Variants in SPSB1 observed in about 807,000 individuals in gnomAD.
The protein encoded by SPSB1 is SPRY domain-containing SOCS box protein 1.
A neutral mutation model predicts 21.2 loss-of-function variants in SPSB1; 8 were observed. The ratio of observed to expected loss-of-function variants is 0.38; its 90% CI spans 0.22 to 0.68. The LOEUF (loss-of-function observed/expected upper bound fraction) is 0.68. Among genes scored for constraint, SPSB1 ranks in the 30% least tolerant of loss-of-function variants. SPSB1 has a pLI of 0.53. For missense variants in SPSB1, 242 were observed against 377.8 expected (o/e 0.64, Z 2.98); for synonymous variants, 169 against 161.7 (o/e 1.05, Z -0.34).
chr1:9,320,052 C>A (rs1291355337), intron 1 of SPSB1, among the ~76,000 whole-genome samples: 1 of 152,192 alleles, frequency 6.6e-6, no homozygotes, highest in South Asian at 2.1e-4. Flanking sequence ...GTGACTCTTG[C>A]TGTGTGTGCA....
chr1:9,352,483 C>T (rs936195033), intron 1 of SPSB1, among the ~76,000 whole-genome samples: 8 of 152,190 alleles, frequency 5.3e-5, no homozygotes, highest in African/African-American at 1.7e-4. Flanking sequence ...ATTTATGTCC[C>T]GTCTGTGGCT....
At chr1:9,326,332 C>T (rs183637184) in intron 1 of SPSB1, among the ~76,000 whole-genome samples, 32 of 152,166 alleles carry the variant, frequency 2.1e-4, no homozygotes, top group African/African-American at 7.2e-4. Context: ...GGTGGAGACA[C>T]CCAGGGGCCA....
chr1:9,325,225 A>AC (rs33978312), intron 1 of SPSB1, among the ~76,000 whole-genome samples: 1,462 of 130,832 alleles, frequency 0.011, 6 homozygotes, highest in East Asian at 0.029. Flanking sequence ...TCCCACCACC[A>AC]CCCCCCCCCC....
In SPSB1 at chr1:9,293,632, G is replaced by A. The variant is rs979990392; in HGVS notation, c.-150+561G>A. ...CCGCCCTCCCCGCCGCCCCGGAGCCGCCGCGGCTTCTCCCAGCAGCGGAGG... is the reference window on the plus strand; with the variant it reads ...CCGCCCTCCCCGCCGCCCCGGAGCCACCGCGGCTTCTCCCAGCAGCGGAGG... On this transcript the variant is annotated intron_variant, in intron 1 of 2. Coordinates refer to ENST00000328089, the MANE Select transcript of SPSB1 (RefSeq NM_025106.4). This position sits in a 1 kb window ranked among gnomAD's most constrained non-coding sequence, Gnocchi z 5.1. 1.3e-5 allele frequency among the ~76,000 whole-genome samples: 2 copies of A among 152,158 alleles called. No individual in the cohort carries two copies. Among genetic ancestry groups the A allele is most frequent in the African/African-American group, 2.4e-5 (1 of 41,448 alleles).
chr1:9,319,538 G>A (rs767609982), intron 1 of SPSB1, among the ~76,000 whole-genome samples: 2 of 152,160 alleles, frequency 1.3e-5, no homozygotes, highest in Non-Finnish European at 2.9e-5. Flanking sequence ...TGTGCTCCCC[G>A]CTGAAGTCGA....
rs1640433231 is a variant in SPSB1, at chr1:9,359,695, C to T, written c.694+3110C>T. Among the ~76,000 whole-genome samples, 4 of 136,460 alleles carry T rather than the reference C, an allele frequency of 2.9e-5. No homozygotes were observed. In the South Asian group the frequency reaches 9.7e-4, roughly 33 times the overall value. The allele number at this position is 136,460 out of a possible 152,430, so 89.5% of individuals were successfully genotyped here. On this transcript the variant is annotated intron_variant, in intron 2 of 2. Transcript: ENST00000328089. Reference sequence around the variant, plus strand: ...CTAGCCTGGGCAACAGAGCAAGACTCCGTCTCTGGGAAAAAAAAAAAAAAA... The same window carrying T: ...CTAGCCTGGGCAACAGAGCAAGACTTCGTCTCTGGGAAAAAAAAAAAAAAA...
At chr1:9,358,542 C>A (rs1188147737) in intron 2 of SPSB1, among the ~76,000 whole-genome samples, 1 of 152,226 alleles carries the variant, frequency 6.6e-6, no homozygotes, top group Non-Finnish European at 1.5e-5. Context: ...AGATTGGGAG[C>A]CCTGGGCATA....
intron 1 of SPSB1, among the ~76,000 whole-genome samples, chr1:9,333,665 G>A (rs1161939274): frequency 2.0e-5 from 3 of 152,188 alleles, no homozygotes; most frequent in Non-Finnish European, 2.9e-5. Context: ...TGCGGTGTGA[G>A]CCTGCTGTGA....
chr1:9,299,982 A>G (rs966716560), intron 1 of SPSB1, among the ~76,000 whole-genome samples: 2 of 148,616 alleles, frequency 1.3e-5, no homozygotes, highest in East Asian at 1.9e-4. Context: ...AAAAAAAAAA[A>G]GGGTCTCATG....
rs34392416 is a variant in SPSB1, at chr1:9,317,837, A to ATT, written c.-150+24784_-150+24785dup. 0.021 allele frequency among the ~76,000 whole-genome samples: 2,889 copies of ATT among 134,672 alleles called. 100 individuals carry two copies. Among genetic ancestry groups the ATT allele is most frequent in the African/African-American group, 0.066 (2,299 of 35,034 alleles). The allele number at this position is 134,672 out of a possible 152,430, so 88.4% of individuals were successfully genotyped here. ...GTGATTTCCGGTGGCGAGGGAACCA[A>ATT]TTTTTTTTTTTTTTTTTTTGAGACC... On this transcript the variant is annotated intron_variant, in intron 1 of 2. Coordinates refer to ENST00000328089, the MANE Select transcript of SPSB1 (RefSeq NM_025106.4). This position sits in a 1 kb window ranked among gnomAD's most constrained non-coding sequence, Gnocchi z 4.3.
chr1:9,361,156 CTTTTT>C (rs57871457), intron 2 of SPSB1, among the ~76,000 whole-genome samples: 1,450 of 102,420 alleles, frequency 0.014, 41 homozygotes, highest in African/African-American at 0.054. Flanking sequence ...CTGTCATTTT[CTTTTT>C]TTTTTTTTTT....
chr1:9,294,752 C>T (rs1178805277), intron 1 of SPSB1, among the ~76,000 whole-genome samples: 1 of 152,136 alleles, frequency 6.6e-6, no homozygotes, highest in Non-Finnish European at 1.5e-5. Flanking sequence ...CCCACAACTT[C>T]ATTTCTCATC....
chr1:9,355,634 C>G, intron 1 of SPSB1, 109 bp from the exon 2 acceptor site: 1 of 1,185,254 alleles, frequency 8.4e-7, no homozygotes, highest in South Asian at 3.8e-5. Context: ...TGACAGAGCC[C>G]AGGTGCAGGC....
intron 1 of SPSB1, among the ~76,000 whole-genome samples, chr1:9,330,597 C>T (rs770733969): frequency 1.2e-4 from 19 of 152,242 alleles, no homozygotes; most frequent in Non-Finnish European, 2.2e-4. Context: ...TAACTTCACC[C>T]GACACGTTTG....
intron 1 of SPSB1, among the ~76,000 whole-genome samples, chr1:9,302,287 A>G (rs1358646588): frequency 6.6e-6 from 1 of 152,178 alleles, no homozygotes; most frequent in African/African-American, 2.4e-5. Context: ...GTAGATGGTA[A>G]AGCATTGATT....
intron 1 of SPSB1, among the ~76,000 whole-genome samples, chr1:9,342,525 GCT>G (rs1265572577): frequency 6.6e-6 from 1 of 152,168 alleles, no homozygotes; most frequent in African/African-American, 2.4e-5. Context: ...GTGTTGACCT[GCT>G]CAGTGAGAAA....
At chr1:9,355,661 T>C (rs1356549434) in intron 1 of SPSB1, 82 bp from the exon 2 acceptor site, 2 of 1,270,366 alleles carry the variant, frequency 1.6e-6, no homozygotes, top group African/African-American at 1.5e-5. Context: ...GACATGCTGA[T>C]GTGGTCGCCT....
In SPSB1 at chr1:9,367,948, G is replaced by A. The variant is rs762248858; in HGVS notation, c.*373G>A. 18 of 207,134 alleles carry A rather than the reference G, an allele frequency of 8.7e-5. No homozygotes were observed. Among genetic ancestry groups the A allele is most frequent in the Non-Finnish European group, 1.7e-4 (17 of 101,050 alleles). The allele number at this position is 207,134 out of a possible 1,614,324, so 12.8% of individuals were successfully genotyped here. A position where few individuals can be genotyped will look rare whatever the true frequency, so the allele number is the denominator to read the frequency against. ...GCTGCAGCCACCTGGGGGTCCCAGG[G>A]TGGTGGGGGTGGCAGGTGGTACCAC... On this transcript the variant is annotated 3_prime_UTR_variant, in exon 3 of 3. Transcript: ENST00000328089. The surrounding 1 kb of genome is among the most constrained non-coding windows in gnomAD (Gnocchi z 5.9).
At chr1:9,302,243 G>A (rs1429919563) in intron 1 of SPSB1, among the ~76,000 whole-genome samples, 1 of 152,204 alleles carries the variant, frequency 6.6e-6, no homozygotes, top group Non-Finnish European at 1.5e-5. Flanking sequence ...GATTGATTTT[G>A]GATGTCAACT....
Sources: allele counts gnomAD v4.1 joint callset (sites outside exome capture counted in the v4.1 genomes callset), GRCh38; gene constraint gnomAD v4.1.1; non-coding constraint Gnocchi (gnomAD v3.1); transcripts MANE v1.5; gene names NCBI Gene and HGNC (gene_info 2026-07-23, HGNC 2026-07-21).